PTN: variants seen among roughly 807,000 people sequenced by gnomAD.
PTN encodes heparin affin regulatory protein.
Under a neutral mutation model 24.1 loss-of-function variants are expected in PTN, and 18 were observed. The ratio of observed to expected loss-of-function variants is 0.75; its 90% confidence interval spans 0.52 to 1.11. The LOEUF (loss-of-function observed/expected upper bound fraction) is 1.11, where lower values mean the gene tolerates loss of function less well. Ranked by LOEUF, PTN falls within the 50% of genes least tolerant of loss-of-function variation. PTN has a pLI of 0.00. For missense variants in PTN, 163 were observed against 198.8 expected, an observed-to-expected ratio of 0.82 and a Z score of 1.08; for synonymous variants, 78 against 68.6, an observed-to-expected ratio of 1.14 and a Z score of -0.67.
intron 3 of PTN, among the ~76,000 whole-genome samples, chr7:137,251,610 T>C: frequency 6.6e-6 from 1 of 152,030 alleles, no homozygotes; most frequent in East Asian, 1.9e-4. Context: ...ACACCATTAA[T>C]ACACACTAAT....
intron 1 of PTN, among the ~76,000 whole-genome samples, chr7:137,255,643 A>G (rs1808908771): frequency 6.6e-6 from 1 of 152,212 alleles, no homozygotes; most frequent in Non-Finnish European, 1.5e-5. Flanking sequence ...AAAATCCTCT[A>G]ATCTTAGGAT....
Position 137,324,433 on chromosome 7 carries a change from A to AAAATATAT in PTN, c.-2+19005_-2+19006insATATATTT. On this transcript the variant is annotated intron_variant, in intron 1 of 4. Transcript: ENST00000348225. ...CCCTGTCTCTAAAAAAAAAAAAAAA[A>AAAATATAT]ATATATATATATATATATAAATTAA... Among the ~76,000 whole-genome samples the AAAATATAT allele has an allele frequency of 4.5e-3, 399 of 88,748 alleles. 7 individuals are homozygous for AAAATATAT. The highest frequency in any genetic ancestry group is 0.038 in the East Asian group (127 of 3,302). The allele number at this position is 88,748 out of a possible 152,430, so 58.2% of individuals were successfully genotyped here.
At chr7:137,269,921 G>A (rs541457324) in intron 1 of PTN, among the ~76,000 whole-genome samples, 10 of 152,108 alleles carry the variant, frequency 6.6e-5, no homozygotes, top group East Asian at 1.9e-4. Context: ...GTGAGCCACC[G>A]CGCCCAGCCT....
At chr7:137,298,505 A>T (rs1322263439) in intron 1 of PTN, among the ~76,000 whole-genome samples, 2 of 151,920 alleles carry the variant, frequency 1.3e-5, no homozygotes, top group Non-Finnish European at 2.9e-5. Flanking sequence ...CAAAAAATGC[A>T]TGGGCACTGG....
chr7:137,232,922 G>A (rs565079019), intron 4 of PTN, among the ~76,000 whole-genome samples: 3 of 151,874 alleles, frequency 2.0e-5, no homozygotes, highest in Non-Finnish European at 2.9e-5. Context: ...GGTGCCTTCC[G>A]CCATGATTGT....
intron 4 of PTN, among the ~76,000 whole-genome samples, chr7:137,248,039 T>C (rs1309571730): frequency 6.6e-6 from 1 of 152,158 alleles, no homozygotes; most frequent in Non-Finnish European, 1.5e-5. Context: ...CAAGGATATA[T>C]GGGACTTTAT....
intron 4 of PTN, among the ~76,000 whole-genome samples, chr7:137,233,489 G>A (rs933113785): frequency 6.6e-6 from 1 of 151,926 alleles, no homozygotes. Context: ...TGTTTTAGAC[G>A]CTAGGGTATA....
chr7:137,306,718 A>G (rs1809895063), intron 1 of PTN, among the ~76,000 whole-genome samples: 1 of 152,104 alleles, frequency 6.6e-6, no homozygotes, highest in African/African-American at 2.4e-5. Context: ...CCTTGCTAGA[A>G]TTTATCTTTA....
intron 1 of PTN, among the ~76,000 whole-genome samples, chr7:137,315,715 T>C (rs1490010367): frequency 6.6e-6 from 1 of 152,128 alleles, no homozygotes; most frequent in East Asian, 1.9e-4. Context: ...AGAAATGTGC[T>C]CTGGCAGGGT....
intron 1 of PTN, among the ~76,000 whole-genome samples, chr7:137,296,533 T>C (rs1809720608): frequency 6.6e-6 from 1 of 152,066 alleles, no homozygotes; most frequent in Admixed American, 6.6e-5. Context: ...TTTAATATTA[T>C]CTGCCTTTCC....
At chr7:137,330,511 G>C (rs1405973987) in intron 1 of PTN, among the ~76,000 whole-genome samples, 3 of 152,136 alleles carry the variant, frequency 2.0e-5, no homozygotes, top group African/African-American at 7.2e-5. Flanking sequence ...AGGAACCCTG[G>C]TGTGCTCCAG....
intron 1 of PTN, among the ~76,000 whole-genome samples, chr7:137,257,900 A>C (rs1194437645): frequency 1.3e-5 from 2 of 152,174 alleles, no homozygotes; most frequent in African/African-American, 4.8e-5. Flanking sequence ...GGCCAGAAGC[A>C]CCTCAGAGCC....
chr7:137,237,720 T>C (rs1305868421), intron 4 of PTN, among the ~76,000 whole-genome samples: 4 of 152,094 alleles, frequency 2.6e-5, no homozygotes, highest in Non-Finnish European at 5.9e-5. Context: ...CCACGTGATT[T>C]CTTCTGCCCC....
At chr7:137,230,440 C>T (rs1490760172) in intron 4 of PTN, among the ~76,000 whole-genome samples, 1 of 151,730 alleles carries the variant, frequency 6.6e-6, no homozygotes, top group Admixed American at 6.6e-5. Context: ...ACTGTCCGGA[C>T]ACCCTGCAGA....
At chr7:137,250,599 T>C (rs1269958665) in intron 4 of PTN, among the ~76,000 whole-genome samples, 1 of 152,214 alleles carries the variant, frequency 6.6e-6, no homozygotes, top group Non-Finnish European at 1.5e-5. Context: ...GTTGGGATCC[T>C]TGTATGTATG....
intron 1 of PTN, among the ~76,000 whole-genome samples, chr7:137,327,491 A>T (rs1810282323): frequency 6.6e-6 from 1 of 151,938 alleles, no homozygotes; most frequent in African/African-American, 2.4e-5. Flanking sequence ...TGCTTTCCCC[A>T]TATCTTTCTG....
chr7:137,314,872 T>G (rs1450837598), intron 1 of PTN, among the ~76,000 whole-genome samples: 1 of 152,132 alleles, frequency 6.6e-6, no homozygotes, highest in Non-Finnish European at 1.5e-5. Context: ...GGATTACAGG[T>G]GTGAGCCACC....
intron 4 of PTN, among the ~76,000 whole-genome samples, chr7:137,245,077 G>T (rs761771733): frequency 2.0e-5 from 3 of 152,158 alleles, no homozygotes; most frequent in Non-Finnish European, 4.4e-5. Context: ...AATGTAAAGA[G>T]TATGATTTTC....
At chr7:137,247,678 G>A (rs1399174190) in intron 4 of PTN, among the ~76,000 whole-genome samples, 1 of 152,132 alleles carries the variant, frequency 6.6e-6, no homozygotes, top group East Asian at 1.9e-4. Flanking sequence ...GTTACTCCAA[G>A]GATAAATGCT....
Sources: allele counts gnomAD v4.1 joint callset (sites outside exome capture counted in the v4.1 genomes callset), GRCh38; gene constraint gnomAD v4.1.1; transcripts MANE v1.5; gene names NCBI Gene and HGNC (gene_info 2026-07-23, HGNC 2026-07-21).